The following TP53INP2 variants were observed in gnomAD, a reference collection of about 807,000 sequenced individuals.
TP53INP2 encodes tumor protein p53-inducible nuclear protein 2.
TP53INP2 carries 12 observed loss-of-function variants against 17.1 expected under a neutral mutation model. The ratio of observed to expected loss-of-function variants is 0.70; its 90% CI spans 0.45 to 1.14. The LOEUF is 1.14. Among genes scored for constraint, TP53INP2 ranks in the 50% most tolerant of loss-of-function variants. TP53INP2 has a pLI of 0.00. For missense variants in TP53INP2, 342 were observed against 330.9 expected, an observed-to-expected ratio of 1.03 and a Z score of -0.26; for synonymous variants, 145 against 147.3, an observed-to-expected ratio of 0.98 and a Z score of 0.12.
chr20:34,704,721 G>C (rs987350802), intron 1 of TP53INP2: 10 of 152,254 alleles, frequency 6.6e-5, no homozygotes, highest in African/African-American at 2.4e-4. Context: ...GCCCCCACAG[G>C]CTCGGGTCGC....
At chr20:34,707,484 T>C (rs1395989986) in intron 2 of TP53INP2, among the ~76,000 whole-genome samples, 1 of 152,112 alleles carries the variant, frequency 6.6e-6, no homozygotes, top group Non-Finnish European at 1.5e-5. Flanking sequence ...AGGTCCTTTT[T>C]CCCAGAAAAA....
Position 34,711,774 on chromosome 20 carries a change from C to T in TP53INP2, c.*1467C>T, listed in dbSNP as rs1988204698. 6.5e-6 allele frequency: 1 copy of T among 152,672 alleles called. No individual in the cohort carries two copies. Among genetic ancestry groups the T allele is most frequent in the East Asian group, 1.9e-4 (1 of 5,194 alleles). The allele number at this position is 152,672 out of a possible 1,614,324, so 9.5% of individuals were successfully genotyped here. A position where few individuals can be genotyped will look rare whatever the true frequency, so the allele number is the denominator to read the frequency against. ...ACACCAGCAACAGCCTCTTGGGATG[C>T]CCTGAGTTGCTTCCCATTTCCTCTT... On this transcript the variant is annotated 3_prime_UTR_variant, in exon 5 of 5. Transcript: ENST00000374810. This position sits in a 1 kb window ranked among gnomAD's most constrained non-coding sequence, Gnocchi z 4.1.
rs139094764 is a variant in TP53INP2, at chr20:34,708,438, T to A, written c.-49-253T>A. On this transcript the variant is annotated intron_variant, in intron 2 of 4. Coordinates refer to ENST00000374810, the MANE Select transcript of TP53INP2 (RefSeq NM_021202.3). ...TATAAGAGCCCGGAGGAAGGTACTATTATCATTGTCTTTTGACAGATGAGA... is the reference window on the plus strand; with the variant it reads ...TATAAGAGCCCGGAGGAAGGTACTAATATCATTGTCTTTTGACAGATGAGA... 5.5e-4 allele frequency among the ~76,000 whole-genome samples: 83 copies of A among 152,266 alleles called. 1 individual carries two copies. The highest frequency in any genetic ancestry group is 1.7e-3 in the African/African-American group (70 of 41,560).
rs1384273633 is a variant in TP53INP2, at chr20:34,705,375, G to T, written c.-149G>T. On this transcript the variant is annotated 5_prime_UTR_variant, in exon 2 of 5. Coordinates refer to ENST00000374810, the MANE Select transcript of TP53INP2 (RefSeq NM_021202.3). The stretch of plus-strand genomic sequence containing the variant: ...TTTTCCAGGGAATCTCTGGAGATTG[G>T]TTCACCTTTTGTGGTCCTGACCCCT... 1 of 152,216 alleles carries T rather than the reference G, an allele frequency of 6.6e-6. No homozygotes were observed. The highest frequency in any genetic ancestry group is 2.4e-5 in the African/African-American group (1 of 41,426). The allele number at this position is 152,216 out of a possible 1,614,324, so 9.4% of individuals were successfully genotyped here.
Position 34,713,272 on chromosome 20 carries a change from T to C in TP53INP2, c.*2965T>C, listed in dbSNP as rs892919338. 6.6e-6 allele frequency: 1 copy of C among 152,650 alleles called. No individual in the cohort carries two copies. Among genetic ancestry groups the C allele is most frequent in the African/African-American group, 2.4e-5 (1 of 41,452 alleles). 9.5% of individuals were successfully genotyped at this position (152,650 alleles called of 1,614,324 possible). ...GGCTGAAATGAGGAGACTTTGACCATGTGACGTGTCAACAGACTCAAGGAG... is the reference window on the plus strand; with the variant it reads ...GGCTGAAATGAGGAGACTTTGACCACGTGACGTGTCAACAGACTCAAGGAG... On this transcript the variant is annotated 3_prime_UTR_variant, in exon 5 of 5. Coordinates refer to ENST00000374810, the MANE Select transcript of TP53INP2 (RefSeq NM_021202.3).
intron 1 of TP53INP2, chr20:34,704,744 G>A (rs1345081037): frequency 6.6e-6 from 1 of 152,318 alleles, no homozygotes. Context: ...GTCCTCCCGT[G>A]ACCCGGTAGC....
At chr20:34,707,369 A>G (rs936046749) in intron 2 of TP53INP2, among the ~76,000 whole-genome samples, 1 of 152,182 alleles carries the variant, frequency 6.6e-6, no homozygotes, top group Non-Finnish European at 1.5e-5. Flanking sequence ...TAGCAGTTCT[A>G]TGGGATTTCT....
chr20:34,710,461 T>C lies in TP53INP2; in HGVS notation c.*154T>C. On this transcript the variant is annotated 3_prime_UTR_variant, in exon 5 of 5. Transcript: ENST00000374810. The surrounding 1 kb of genome is among the most constrained non-coding windows in gnomAD (Gnocchi z 4.9). The stretch of plus-strand genomic sequence containing the variant: ...CCGACACCCTCAATTTCCCCATCTC[T>C]GATCCTCTAATCTGCCTCTGAACCC... 1 of 845,488 alleles carries C rather than the reference T, an allele frequency of 1.2e-6. No homozygotes were observed. Among genetic ancestry groups the C allele is most frequent in the Non-Finnish European group, 1.6e-6 (1 of 631,648 alleles). The allele number at this position is 845,488 out of a possible 1,614,324, so 52.4% of individuals were successfully genotyped here. A position where few individuals can be genotyped will look rare whatever the true frequency, so the allele number is the denominator to read the frequency against.
chr20:34,707,469 A>T (rs1988028576), intron 2 of TP53INP2, among the ~76,000 whole-genome samples: 1 of 152,186 alleles, frequency 6.6e-6, no homozygotes, highest in Non-Finnish European at 1.5e-5. Flanking sequence ...TCATGATGAA[A>T]ACCAAGGTCC....
chr20:34,709,532 G>A lies in TP53INP2; in HGVS notation c.413+8G>A. On this transcript the variant is annotated splice_region_variant and intron_variant, in intron 4 of 4. Coordinates refer to ENST00000374810, the MANE Select transcript of TP53INP2 (RefSeq NM_021202.3). This position sits in a 1 kb window ranked among gnomAD's most constrained non-coding sequence, Gnocchi z 5.4. ...CGGCGACCTCAGCGAAGGGTGAGCG[G>A]GCCGGGGGCGGAGCCTGGAGGCCCA... 2 of 1,601,390 alleles carry A rather than the reference G, an allele frequency of 1.2e-6. No individual in the cohort carries two copies.
rs990593031 is a variant in TP53INP2, at chr20:34,709,098, G to A, written c.125-138G>A. The A allele has an allele frequency of 7.0e-6, 10 of 1,435,886 alleles. No homozygotes were observed. The highest frequency in any genetic ancestry group is 5.9e-5 in the South Asian group (4 of 67,540). 88.9% of individuals were successfully genotyped at this position (1,435,886 alleles called of 1,614,324 possible). ...GACGCCTGGCCCGTGGGTGCCCCGG[G>A]GCGCTGCGGACGGGCTGCGGGTCTG... On this transcript the variant is annotated intron_variant, in intron 3 of 4. Transcript: ENST00000374810. The surrounding 1 kb of genome is among the most constrained non-coding windows in gnomAD (Gnocchi z 5.4).
At position 34,710,456 on chromosome 20, in the gene TP53INP2, A is replaced by C; in HGVS notation, c.*149A>C. 2 of 868,316 alleles carry C rather than the reference A, an allele frequency of 2.3e-6. No homozygotes were observed. The highest frequency in any genetic ancestry group is 3.1e-6 in the Non-Finnish European group (2 of 653,482). 53.8% of individuals were successfully genotyped at this position (868,316 alleles called of 1,614,324 possible). On this transcript the variant is annotated 3_prime_UTR_variant, in exon 5 of 5. Coordinates refer to ENST00000374810, the MANE Select transcript of TP53INP2 (RefSeq NM_021202.3). The surrounding 1 kb of genome is among the most constrained non-coding windows in gnomAD (Gnocchi z 4.9). ...CTTCCCCGACACCCTCAATTTCCCC[A>C]TCTCTGATCCTCTAATCTGCCTCTG...
At chr20:34,707,426 A>G (rs1178541825) in intron 2 of TP53INP2, among the ~76,000 whole-genome samples, 2 of 152,158 alleles carry the variant, frequency 1.3e-5, no homozygotes, top group Non-Finnish European at 2.9e-5. Context: ...AGTGGTTCTT[A>G]ATCTCTGGGG....
At chr20:34,705,981 G>A (rs184722817) in intron 2 of TP53INP2, among the ~76,000 whole-genome samples, 1 of 152,272 alleles carries the variant, frequency 6.6e-6, no homozygotes, top group East Asian at 1.9e-4. Flanking sequence ...GGCTGTCACT[G>A]ACTTGCTGTG....
intron 2 of TP53INP2, 105 bp downstream of exon 2, chr20:34,705,579 G>T (rs1269017704): frequency 1.3e-5 from 2 of 152,212 alleles, no homozygotes; most frequent in Admixed American, 1.3e-4. Context: ...TTCCTAGGTC[G>T]TCAGCTAGGA....
chr20:34,708,732 C>T lies in TP53INP2; in HGVS notation c.-8C>T. On this transcript the variant is annotated 5_prime_UTR_variant, in exon 3 of 5. Coordinates refer to ENST00000374810, the MANE Select transcript of TP53INP2 (RefSeq NM_021202.3). ...AGGGCGCCCCCGTGAGGCGCTTCGC[C>T]CCCCACCATGTTCCAGCGCCTCTCC... The T allele has an allele frequency of 1.3e-6, 2 of 1,572,626 alleles. No individual in the cohort carries two copies. Among genetic ancestry groups the T allele is most frequent in the Non-Finnish European group, 1.7e-6 (2 of 1,159,892 alleles).
intron 2 of TP53INP2, among the ~76,000 whole-genome samples, chr20:34,705,703 C>A (rs1206195641): frequency 1.3e-5 from 2 of 152,260 alleles, no homozygotes; most frequent in East Asian, 3.9e-4. Flanking sequence ...TCTGACTTAA[C>A]AAGTGGATGG....
chr20:34,711,830 T>G lies in TP53INP2; in HGVS notation c.*1523T>G, dbSNP rs1209583798. ...CCGTCCTTTTCTAGTGTGTGCTCAC[T>G]CTTCCTAGGAACTTTTAAGACTTCT... On this transcript the variant is annotated 3_prime_UTR_variant, in exon 5 of 5. Coordinates refer to ENST00000374810, the MANE Select transcript of TP53INP2 (RefSeq NM_021202.3). This position sits in a 1 kb window ranked among gnomAD's most constrained non-coding sequence, Gnocchi z 4.1. 2.6e-5 allele frequency: 4 copies of G among 152,634 alleles called. No homozygotes were observed. Among genetic ancestry groups the G allele is most frequent in the Non-Finnish European group, 4.4e-5 (3 of 68,054 alleles). 9.5% of individuals were successfully genotyped at this position (152,634 alleles called of 1,614,324 possible).
In TP53INP2 at chr20:34,710,043, G is replaced by C; in HGVS notation, c.414-15G>C. The C allele has an allele frequency of 7.7e-7, 1 of 1,291,458 alleles. No individual in the cohort carries two copies. The highest frequency in any genetic ancestry group is 9.8e-7 in the Non-Finnish European group (1 of 1,020,760). The allele number at this position is 1,291,458 out of a possible 1,614,324, so 80.0% of individuals were successfully genotyped here. On this transcript the variant is annotated splice_polypyrimidine_tract_variant and intron_variant, in intron 4 of 4. Coordinates refer to ENST00000374810, the MANE Select transcript of TP53INP2 (RefSeq NM_021202.3). This position sits in a 1 kb window ranked among gnomAD's most constrained non-coding sequence, Gnocchi z 4.9. ...AGCTTACCCGGCTTGACCGAGCCTG[G>C]CTCTGTCCTCACAGGGAATTGACGC...
Sources: allele counts gnomAD v4.1 joint callset (sites outside exome capture counted in the v4.1 genomes callset), GRCh38; gene constraint gnomAD v4.1.1; non-coding constraint Gnocchi (gnomAD v3.1); transcripts MANE v1.5; gene names NCBI Gene and HGNC (gene_info 2026-07-23, HGNC 2026-07-21).